Variants in FYB1 observed in about 807,000 individuals in gnomAD.
FYB1 encodes FYN-binding protein 1.
Under a neutral mutation model 94.1 loss-of-function variants are expected in FYB1, and 41 were observed. The ratio of observed to expected loss-of-function variants is 0.44; its 90% CI spans 0.34 to 0.57. The LOEUF (loss-of-function observed/expected upper bound fraction) is 0.57, where lower values mean the gene tolerates loss of function less well. Ranked by LOEUF, FYB1 falls within the 20% of genes least tolerant of loss-of-function variation. The probability of loss-of-function intolerance (pLI) is 0.02; values close to 1 mark genes in which losing one functional copy is unlikely to be tolerated. For missense variants in FYB1, 1,050 were observed against 976.8 expected (o/e 1.07, Z -1.00); for synonymous variants, 367 against 353.2 (o/e 1.04, Z -0.44).
Position 39,141,125 on chromosome 5 carries a change from C to G in FYB1, c.1309G>C (p.Asp437His). ...PFDLKSPVNE[D>H]NQDGVTHSDG... ...GAGTGCGTGACACCATCTTGATTGT[C>G]TTCATTGACAGGGCTTCTGAAAACG... Residue 437 changes from aspartate (D) to histidine (H), a missense_variant, in exon 4 of 19, where the codon GAC (aspartate) becomes CAC (histidine). Coordinates refer to ENST00000512982, the MANE Select transcript of FYB1 (RefSeq NM_001465.6). 6.3e-7 allele frequency: 1 copy of G among 1,594,206 alleles called. No individual in the cohort carries two copies. Among genetic ancestry groups the G allele is most frequent in the Non-Finnish European group, 8.6e-7 (1 of 1,168,836 alleles).
chr5:39,213,318 T>C (rs1749583665), intron 1 of FYB1, among the ~76,000 whole-genome samples: 1 of 152,168 alleles, frequency 6.6e-6, no homozygotes, highest in African/African-American at 2.4e-5. Flanking sequence ...ACCAGAGTTT[T>C]CATTGTCTTT....
At chr5:39,177,076 C>T (rs562995840) in intron 2 of FYB1, among the ~76,000 whole-genome samples, 2 of 152,296 alleles carry the variant, frequency 1.3e-5, no homozygotes, top group African/African-American at 4.8e-5. Context: ...AACTTTTGTC[C>T]TGGCAACAGT....
Position 39,201,833 on chromosome 5 carries a change from A to T in FYB1, c.1128T>A (p.Ser376=), listed in dbSNP as rs1363138309. The T allele has an allele frequency of 6.2e-7, 1 of 1,611,130 alleles. No homozygotes were observed. Among genetic ancestry groups the T allele is most frequent in the Non-Finnish European group, 8.5e-7 (1 of 1,178,106 alleles). The change falls in exon 2 of 19, where the codon TCT becomes TCA. Residue 376 remains serine, a synonymous_variant. Coordinates refer to ENST00000512982, the MANE Select transcript of FYB1 (RefSeq NM_001465.6). ...AACGAGAAAAGAACTCACTGTTTCC[A>T]GAAGAGGTTTTGTGGAATTTCGTCA... The part of the protein sequence containing the change: ...VDLTKFHKTS[S]GNSTSKGQTS...
At chr5:39,267,178 G>A (rs943159737) in intron 1 of FYB1, among the ~76,000 whole-genome samples, 1 of 152,154 alleles carries the variant, frequency 6.6e-6, no homozygotes. Flanking sequence ...GCTTAGCAAT[G>A]CTAACTGCCA....
At chr5:39,189,052 G>C (rs1405233067) in intron 2 of FYB1, among the ~76,000 whole-genome samples, 2 of 152,088 alleles carry the variant, frequency 1.3e-5, no homozygotes, top group African/African-American at 2.4e-5. Flanking sequence ...CACATTCACT[G>C]TTAGAACCAC....
intron 1 of FYB1, among the ~76,000 whole-genome samples, chr5:39,244,001 G>A (rs562320686): frequency 3.9e-5 from 6 of 152,316 alleles, no homozygotes; most frequent in African/African-American, 1.4e-4. Context: ...TGTATCCTGA[G>A]ACTTTGCTGA....
chr5:39,153,266 T>G (rs1172744555), intron 3 of FYB1, among the ~76,000 whole-genome samples, 182 bp downstream of exon 3: 2 of 152,206 alleles, frequency 1.3e-5, no homozygotes, highest in Admixed American at 1.3e-4. Context: ...TGAGCAATTC[T>G]AGGGGTATTT....
chr5:39,262,316 A>G (rs1752258482), intron 1 of FYB1, among the ~76,000 whole-genome samples: 1 of 152,214 alleles, frequency 6.6e-6, no homozygotes, highest in African/African-American at 2.4e-5. Flanking sequence ...AAAAAAATCT[A>G]TAAAAAATGG....
chr5:39,180,181 C>T (rs1561221179), intron 2 of FYB1, among the ~76,000 whole-genome samples: 1 of 152,136 alleles, frequency 6.6e-6, no homozygotes, highest in Non-Finnish European at 1.5e-5. Flanking sequence ...TGCACCATTC[C>T]CCAATGTTTG....
intron 1 of FYB1, among the ~76,000 whole-genome samples, chr5:39,208,479 G>A (rs1454876759): frequency 6.6e-6 from 1 of 152,090 alleles, no homozygotes. Flanking sequence ...TAGTTATGTT[G>A]AGATAAAGTC....
intron 7 of FYB1, 193 bp downstream of exon 7, chr5:39,137,407 T>C (rs1398619310): frequency 6.3e-6 from 3 of 479,670 alleles, no homozygotes; most frequent in Non-Finnish European, 1.0e-5. Context: ...TATATTTATT[T>C]AAATTTTATT....
At chr5:39,253,267 A>G (rs1217510492) in intron 1 of FYB1, among the ~76,000 whole-genome samples, 1 of 152,226 alleles carries the variant, frequency 6.6e-6, no homozygotes, top group Admixed American at 6.5e-5. Context: ...AAGTAGATAT[A>G]TTAAAGATAA....
intron 13 of FYB1, among the ~76,000 whole-genome samples, chr5:39,123,083 G>A (rs1740280559): frequency 6.6e-6 from 1 of 152,066 alleles, no homozygotes. Context: ...ATAAAGTCAG[G>A]AATAATGCTT....
chr5:39,184,139 A>G (rs1746516807), intron 2 of FYB1, among the ~76,000 whole-genome samples: 1 of 152,164 alleles, frequency 6.6e-6, no homozygotes. Context: ...TTTCTAGGGT[A>G]ATTTTGTGAT....
intron 1 of FYB1, among the ~76,000 whole-genome samples, chr5:39,232,792 C>A (rs1480511839): frequency 6.7e-6 from 1 of 150,300 alleles, no homozygotes; most frequent in Non-Finnish European, 1.5e-5. Flanking sequence ...TGTTCAATTC[C>A]CACCTATGAG....
chr5:39,263,529 G>A (rs917843835), intron 1 of FYB1, among the ~76,000 whole-genome samples: 1 of 151,948 alleles, frequency 6.6e-6, no homozygotes, highest in African/African-American at 2.4e-5. Flanking sequence ...GGCCTCCACA[G>A]CTTACCTAAA....
At chr5:39,125,946 A>C in intron 12 of FYB1, 52 bp downstream of exon 12, 1 of 1,542,160 alleles carries the variant, frequency 6.5e-7, no homozygotes, top group African/African-American at 1.4e-5. Flanking sequence ...CATTTGATTC[A>C]ATACATATTA....
chr5:39,133,680 T>G (rs1308382959), intron 9 of FYB1, among the ~76,000 whole-genome samples: 2 of 152,056 alleles, frequency 1.3e-5, no homozygotes, highest in African/African-American at 4.8e-5. Flanking sequence ...GTCATTTTAA[T>G]CTAGTGGAAT....
intron 1 of FYB1, among the ~76,000 whole-genome samples, chr5:39,249,023 A>G (rs1414578148): frequency 1.3e-5 from 2 of 152,250 alleles, no homozygotes; most frequent in African/African-American, 2.4e-5. Context: ...ACTAGCCACA[A>G]TTTAAATGCT....
Sources: allele counts gnomAD v4.1 joint callset (sites outside exome capture counted in the v4.1 genomes callset), GRCh38; gene constraint gnomAD v4.1.1; transcripts MANE v1.5; gene names NCBI Gene and HGNC (gene_info 2026-07-23, HGNC 2026-07-21).